The following GNG4 variants were observed in gnomAD, a reference collection of about 807,000 sequenced individuals.
GNG4 encodes guanine nucleotide-binding protein G(I)/G(S)/G(O) subunit gamma-4.
In GNG4, 4 loss-of-function variants were observed where a neutral mutation model predicts 5.8. The ratio of observed to expected loss-of-function variants is 0.69; its 90% CI spans 0.34 to 1.57. GNG4 has a LOEUF of 1.57. Ranked by LOEUF, GNG4 falls within the 40% of genes most tolerant of loss-of-function variation. The probability of loss-of-function intolerance (pLI) is 0.06; values close to 1 mark genes in which losing one functional copy is unlikely to be tolerated. For synonymous variants in GNG4, 29 were observed against 32.9 expected (o/e 0.88, Z 0.41); for missense variants, 96 against 95.1 (o/e 1.01, Z -0.04).
intron 1 of GNG4, among the ~76,000 whole-genome samples, chr1:235,623,833 T>C (rs1252942872): frequency 3.3e-5 from 5 of 152,232 alleles, no homozygotes; most frequent in Non-Finnish European, 7.3e-5. Context: ...TCCTCTTTCA[T>C]GCACATCTCT....
chr1:235,562,795 A>C (rs763902325), intron 3 of GNG4, among the ~76,000 whole-genome samples: 37 of 151,424 alleles, frequency 2.4e-4, no homozygotes, highest in Non-Finnish European at 4.3e-4. Flanking sequence ...AACATGGACT[A>C]TCTCTCCATT....
At chr1:235,572,508 C>CTTT (rs71174442) in intron 3 of GNG4, among the ~76,000 whole-genome samples, 1 of 127,364 alleles carries the variant, frequency 7.9e-6, no homozygotes, top group African/African-American at 3.0e-5. Flanking sequence ...TTTTTTTTTT[C>CTTT]TTTTTTTTTT....
chr1:235,573,341 G>T (rs1571885889), intron 3 of GNG4, among the ~76,000 whole-genome samples: 1 of 131,124 alleles, frequency 7.6e-6, no homozygotes, highest in Non-Finnish European at 1.6e-5. Flanking sequence ...GGGGGAGGGG[G>T]GAGGGATAGC....
At chr1:235,596,729 T>A (rs996368131) in intron 1 of GNG4, among the ~76,000 whole-genome samples, 2 of 152,026 alleles carry the variant, frequency 1.3e-5, no homozygotes, top group Non-Finnish European at 2.9e-5. Context: ...TCTTTTTTTT[T>A]AATATTTATT....
chr1:235,592,245 C>A (rs1244537643), intron 2 of GNG4, among the ~76,000 whole-genome samples: 1 of 152,172 alleles, frequency 6.6e-6, no homozygotes, highest in East Asian at 1.9e-4. Context: ...GTGACTCACA[C>A]TTGTAATCCC....
chr1:235,558,070 C>A (rs1160888610), intron 3 of GNG4, among the ~76,000 whole-genome samples: 1 of 152,156 alleles, frequency 6.6e-6, no homozygotes, highest in East Asian at 1.9e-4. Context: ...GAGTTATAAC[C>A]ACTCCTCTGG....
chr1:235,620,767 C>T (rs183312424), intron 1 of GNG4, among the ~76,000 whole-genome samples: 118 of 152,306 alleles, frequency 7.7e-4, no homozygotes, highest in African/African-American at 2.6e-3. Context: ...GATCTCCTGA[C>T]CTCGTGATCC....
At chr1:235,616,945 G>C (rs10926271) in intron 1 of GNG4, among the ~76,000 whole-genome samples, 1 of 131,034 alleles carries the variant, frequency 7.6e-6, no homozygotes, top group African/African-American at 3.0e-5. Context: ...ATGGGTTTTC[G>C]CCATGCTGGC....
At chr1:235,577,786 C>A (rs1489275595) in intron 3 of GNG4, among the ~76,000 whole-genome samples, 1 of 152,108 alleles carries the variant, frequency 6.6e-6, no homozygotes, top group African/African-American at 2.4e-5. Flanking sequence ...ATGGTGTGTG[C>A]GAGTTCAGTG....
rs569959439 is a variant in GNG4 at position 235,572,697 on chromosome 1, G to C, written c.99+11043C>G. On this transcript the variant is annotated intron_variant, in intron 3 of 3. Transcript: ENST00000391854. ...GTACGTTTAGTAGAGACAGGGTTTC[G>C]CCATGTTTCCCAGGCTGGTCTTGAA... Among the ~76,000 whole-genome samples the C allele has an allele frequency of 1.6e-4, 24 of 147,808 alleles. No individual in the cohort carries two copies. In the East Asian group the frequency reaches 4.5e-3, roughly 28 times the overall value.
chr1:235,572,495 C>T (rs1223492269), intron 3 of GNG4, among the ~76,000 whole-genome samples: 2 of 112,730 alleles, frequency 1.8e-5, no homozygotes, highest in Admixed American at 1.0e-4. Flanking sequence ...CCACCGTGCT[C>T]TTTTTTTTTT....
intron 1 of GNG4, among the ~76,000 whole-genome samples, chr1:235,622,407 G>C (rs1352898456): frequency 6.6e-6 from 1 of 152,124 alleles, no homozygotes; most frequent in African/African-American, 2.4e-5. Flanking sequence ...TGGAACTTTT[G>C]TGGTTCATAA....
chr1:235,565,785 T>C (rs1336919664), intron 3 of GNG4: 2 of 152,218 alleles, frequency 1.3e-5, no homozygotes, highest in Non-Finnish European at 2.9e-5. Flanking sequence ...AGGGTGGAAC[T>C]TTTGAAATAC....
At chr1:235,590,491 C>G (rs1687933100) in intron 2 of GNG4, among the ~76,000 whole-genome samples, 1 of 152,084 alleles carries the variant, frequency 6.6e-6, no homozygotes, top group African/African-American at 2.4e-5. Context: ...ACAGATTCCC[C>G]TGAGAGGCCC....
intron 1 of GNG4, among the ~76,000 whole-genome samples, chr1:235,612,420 G>A (rs1433055473): frequency 6.6e-6 from 1 of 152,168 alleles, no homozygotes; most frequent in Non-Finnish European, 1.5e-5. Flanking sequence ...GGGAGGTGCA[G>A]GGTCTGCGTG....
intron 3 of GNG4, among the ~76,000 whole-genome samples, chr1:235,575,373 C>T (rs1687453128): frequency 6.6e-6 from 1 of 152,192 alleles, no homozygotes; most frequent in East Asian, 1.9e-4. Flanking sequence ...CATTGTAAGT[C>T]AAGGGCCATG....
chr1:235,587,521 TGTTGTGGGTGTGTGTCAG>T (rs1687821971), intron 2 of GNG4, among the ~76,000 whole-genome samples: 1 of 15,226 alleles, frequency 6.6e-5, no homozygotes, highest in African/African-American at 3.3e-4. Flanking sequence ...GAGGTGGGTG[TGTTGTGGGTGTGTGTCAG>T]GGTGTGGGTT....
intron 3 of GNG4, among the ~76,000 whole-genome samples, chr1:235,554,245 T>C: frequency 6.6e-6 from 1 of 152,222 alleles, no homozygotes; most frequent in Non-Finnish European, 1.5e-5. Context: ...GAAAGCCAAG[T>C]GCCCTCCCCA....
In GNG4 at chr1:235,552,220, C is replaced by T. The variant is rs771048638; in HGVS notation, c.117G>A (p.Ala39=). The change falls in exon 4 of 4, where the codon GCG becomes GCA. Residue 39 remains alanine, a synonymous_variant. Coordinates refer to ENST00000391854, the MANE Select transcript of GNG4 (RefSeq NM_001098722.2). ...GAGCTTCACAGTAGGCCAGGAGGTC[C>T]GCAGCTGCCTGGGAGACCTGTGAGG... ...MDRVKVSQAA[A]DLLAYCEAHV... The T allele has an allele frequency of 1.8e-5, 29 of 1,613,922 alleles. No individual in the cohort carries two copies. Among genetic ancestry groups the T allele is most frequent in the East Asian group, 1.8e-4 (8 of 44,872 alleles).
Sources: gnomAD v4.1 joint callset for allele counts (sites outside exome capture counted in the v4.1 genomes callset) on GRCh38, gnomAD v4.1.1 for gene constraint, MANE v1.5 for transcripts, NCBI Gene and HGNC (gene_info 2026-07-23, HGNC 2026-07-21) for gene names.